Variants in NOTCH1 observed in about 807,000 individuals in gnomAD.
NOTCH1 encodes the protein neurogenic locus notch homolog protein 1.
Under a neutral mutation model 254.8 loss-of-function variants are expected in NOTCH1, and 37 were observed. The ratio of observed to expected loss-of-function variants is 0.15; its 90% CI spans 0.11 to 0.19. The LOEUF (loss-of-function observed/expected upper bound fraction) is 0.19. NOTCH1 is among the 10% of genes least tolerant of loss of function. NOTCH1 has a pLI of 1.00. For missense variants in NOTCH1, 2,972 were observed against 3,708.6 expected, an observed-to-expected ratio of 0.80 and a Z score of 5.16; for synonymous variants, 1,731 against 1,618.1, an observed-to-expected ratio of 1.07 and a Z score of -1.68.
At chr9:136,521,803 G>A (rs896701967) in intron 4 of NOTCH1, among the ~76,000 whole-genome samples, 5 of 152,178 alleles carry the variant, frequency 3.3e-5, no homozygotes, top group African/African-American at 1.2e-4. Context: ...CCCCTTTGCA[G>A]GGGCCAGGCC....
chr9:136,510,595 C>A (rs1043424698), intron 17 of NOTCH1, 58 bp downstream of exon 17: 2 of 1,566,796 alleles, frequency 1.3e-6, no homozygotes, highest in African/African-American at 2.7e-5. Flanking sequence ...CAACCCTGCC[C>A]GGGGGAACTG....
chr9:136,533,386 T>C (rs1192921093), intron 2 of NOTCH1, among the ~76,000 whole-genome samples: 1 of 152,152 alleles, frequency 6.6e-6, no homozygotes, highest in African/African-American at 2.4e-5. Context: ...CCCAAACCTC[T>C]CATTTCCAGT....
intron 2 of NOTCH1, among the ~76,000 whole-genome samples, chr9:136,526,893 G>A (rs895635045): frequency 6.6e-6 from 1 of 152,208 alleles, no homozygotes; most frequent in East Asian, 1.9e-4. Context: ...AGCCCCAGCC[G>A]GAGGCCTGAG....
At chr9:136,497,720 G>A (rs1842940289) in intron 33 of NOTCH1, among the ~76,000 whole-genome samples, 162 bp from the exon 34 acceptor site, 1 of 152,140 alleles carries the variant, frequency 6.6e-6, no homozygotes, top group South Asian at 2.1e-4. Context: ...CAACCACCTA[G>A]CCTGACTCTT....
Position 136,510,810 on chromosome 9 carries a change from G to T in NOTCH1, c.2588-5C>A. Reference sequence around the variant, plus strand: ...TGTCGACCTCACAGGTCTGCCCTGCGGGGCAGGAGGAGGCCGGTTGGTCAC... The same window carrying T: ...TGTCGACCTCACAGGTCTGCCCTGCTGGGCAGGAGGAGGCCGGTTGGTCAC... On this transcript the variant is annotated splice_region_variant and splice_polypyrimidine_tract_variant and intron_variant, in intron 16 of 33. Coordinates refer to ENST00000651671, the MANE Select transcript of NOTCH1 (RefSeq NM_017617.5). 2.5e-6 allele frequency: 4 copies of T among 1,607,606 alleles called. No individual in the cohort carries two copies. Among genetic ancestry groups the T allele is most frequent in the Non-Finnish European group, 3.4e-6 (4 of 1,179,690 alleles).
At chr9:136,535,505 GGTGGGA>G (rs67358066) in intron 2 of NOTCH1, among the ~76,000 whole-genome samples, 8,750 of 78,026 alleles carry the variant, frequency 0.11, 757 homozygotes, top group South Asian at 0.27. Context: ...ATGGGTGCAG[GGTGGGA>G]GTGGGTGGAG....
Position 136,496,836 on chromosome 9 carries a change from G to A in NOTCH1, c.6903C>T (p.Ser2301=), listed in dbSNP as rs1842923327. 3 of 1,612,978 alleles carry A rather than the reference G, an allele frequency of 1.9e-6. No homozygotes were observed. The highest frequency in any genetic ancestry group is 8.5e-7 in the Non-Finnish European group (1 of 1,180,012). Residue 2301 remains serine (S), a synonymous_variant, in exon 34 of 34, where the codon TCC becomes TCT. Coordinates refer to ENST00000651671, the MANE Select transcript of NOTCH1 (RefSeq NM_017617.5). The stretch of plus-strand genomic sequence containing the variant: ...ACTCGCATTGACCATTCAAACTGGT[G>A]GACCCGCCCACAGTGAAATTCAGGG... ...GGALNFTVGG[S]TSLNGQCEWL... is the part of the protein sequence containing the mutation.
intron 2 of NOTCH1, among the ~76,000 whole-genome samples, chr9:136,536,618 C>T (rs1474667089): frequency 6.6e-6 from 1 of 152,262 alleles, no homozygotes; most frequent in Non-Finnish European, 1.5e-5. Context: ...TGCCGCTGAC[C>T]CTGTCCCAGC....
chr9:136,494,490 G>C lies in NOTCH1; in HGVS notation c.*1581C>G. 1 of 398,916 alleles carries C rather than the reference G, an allele frequency of 2.5e-6. No homozygotes were observed. The highest frequency in any genetic ancestry group is 4.4e-6 in the Non-Finnish European group (1 of 226,030). 24.7% of individuals were successfully genotyped at this position (398,916 alleles called of 1,614,324 possible). A position where few individuals can be genotyped will look rare whatever the true frequency, so the allele number is the denominator to read the frequency against. ...TTGCAAATCAGTTAACAAAAAAGAT[G>C]AAAAAAATACATCATCTACAGTTCC... On this transcript the variant is annotated 3_prime_UTR_variant, in exon 34 of 34. Transcript: ENST00000651671.
chr9:136,518,335 G>C, intron 6 of NOTCH1, 43 bp from the exon 7 acceptor site: 1 of 1,586,276 alleles, frequency 6.3e-7, no homozygotes, highest in Non-Finnish European at 8.6e-7. Flanking sequence ...CCCTGGGCCA[G>C]GCATGGCACA....
chr9:136,529,683 G>A (rs1843527519), intron 2 of NOTCH1, among the ~76,000 whole-genome samples: 1 of 152,256 alleles, frequency 6.6e-6, no homozygotes, highest in Non-Finnish European at 1.5e-5. Flanking sequence ...TGTTCAAACA[G>A]CTGGCTGGAG....
At chr9:136,508,540 A>G (rs1843126728) in intron 19 of NOTCH1, among the ~76,000 whole-genome samples, 155 bp from the exon 20 acceptor site, 1 of 152,034 alleles carries the variant, frequency 6.6e-6, no homozygotes, top group African/African-American at 2.4e-5. Context: ...CCACCCCCAC[A>G]CCAGGAACAG....
intron 2 of NOTCH1, among the ~76,000 whole-genome samples, chr9:136,541,332 TG>T (rs1843729546): frequency 6.6e-6 from 1 of 152,190 alleles, no homozygotes; most frequent in South Asian, 2.1e-4. Flanking sequence ...TCCTTCTCTT[TG>T]GGATGGAAAG....
rs1842887454 is a variant in NOTCH1 at position 136,494,446 on chromosome 9, A to G, written c.*1625T>C. ...AGCAGAGGGGAGTGGAAGCCAGATC[A>G]CCATCAGTATCATTTTTATTGCAAA... On this transcript the variant is annotated 3_prime_UTR_variant, in exon 34 of 34. Transcript: ENST00000651671. 5.0e-6 allele frequency: 2 copies of G among 398,906 alleles called. No homozygotes were observed. Among genetic ancestry groups the G allele is most frequent in the Non-Finnish European group, 8.8e-6 (2 of 226,072 alleles). The allele number at this position is 398,906 out of a possible 1,614,324, so 24.7% of individuals were successfully genotyped here. A position where few individuals can be genotyped will look rare whatever the true frequency, so the allele number is the denominator to read the frequency against.
rs752754662 is a variant in NOTCH1, at chr9:136,502,434, G to A, written c.5222C>T (p.Ala1741Val). Residue 1741 changes from alanine (A) to valine (V), a missense_variant, in exon 28 of 34, where the codon GCG (alanine) becomes GTG (valine). By Grantham distance (64) the Ala-to-Val change is moderately conservative. Transcript: ENST00000651671. The part of the protein sequence containing the change: ...PAQLHFMYVA[A>V]AAFVLLFFVG... ...GAAGAACAGAAGCACAAAGGCGGCC[G>A]CCGCCACGTACATGAAGTGCAGCTG... 10 of 1,607,872 alleles carry A rather than the reference G, an allele frequency of 6.2e-6. No individual in the cohort carries two copies. The highest frequency in any genetic ancestry group is 7.6e-6 in the Non-Finnish European group (9 of 1,178,170).
chr9:136,506,410 A>G lies in NOTCH1; in HGVS notation c.4014+117T>C. ...AAAAAAAAAAAAAGACATCAGGGTGAGGAGGAGGATGAAGGCCGGGAGGAT... is the reference window on the plus strand; with the variant it reads ...AAAAAAAAAAAAAGACATCAGGGTGGGGAGGAGGATGAAGGCCGGGAGGAT... On this transcript the variant is annotated intron_variant, in intron 24 of 33. Transcript: ENST00000651671. This position sits in a 1 kb window ranked among gnomAD's most constrained non-coding sequence, Gnocchi z 4.5. The G allele has an allele frequency of 2.8e-6, 2 of 712,256 alleles. No homozygotes were observed. The highest frequency in any genetic ancestry group is 2.4e-6 in the Non-Finnish European group (1 of 423,612). 44.1% of individuals were successfully genotyped at this position (712,256 alleles called of 1,614,324 possible).
chr9:136,538,886 G>C (rs953792038), intron 2 of NOTCH1, among the ~76,000 whole-genome samples: 1 of 152,220 alleles, frequency 6.6e-6, no homozygotes, highest in Non-Finnish European at 1.5e-5. Context: ...ATTCTGCAAA[G>C]CCACATCCTT....
Position 136,514,644 on chromosome 9 carries a change from G to C in NOTCH1, c.2073C>G (p.Gly691=). Residue 691 remains glycine (G), a synonymous_variant, in exon 13 of 34, where the codon GGC becomes GGG. Transcript: ENST00000651671. ...ECAGNPCHNG[G]TCEDGINGFT... is the part of the protein sequence containing the mutation. ...AGCCATTGATGCCGTCCTCGCAGGTGCCCCCGTTGTGGCAGGGGTTGCCCG... is the reference window on the plus strand; with the variant it reads ...AGCCATTGATGCCGTCCTCGCAGGTCCCCCCGTTGTGGCAGGGGTTGCCCG... 1 of 1,612,544 alleles carries C rather than the reference G, an allele frequency of 6.2e-7. No individual in the cohort carries two copies. Among genetic ancestry groups the C allele is most frequent in the Non-Finnish European group, 8.5e-7 (1 of 1,179,882 alleles).
rs915667043 is a variant in NOTCH1, at chr9:136,540,555, C to T, written c.140+3469G>A. Reference sequence around the variant, plus strand: ...AGGCGGGGAAGAAAGGAGCGCTGACCAGGTGCCCTCTCCACACGGTTCTCA... The same window carrying T: ...AGGCGGGGAAGAAAGGAGCGCTGACTAGGTGCCCTCTCCACACGGTTCTCA... On this transcript the variant is annotated intron_variant, in intron 2 of 33. Coordinates refer to ENST00000651671, the MANE Select transcript of NOTCH1 (RefSeq NM_017617.5). The surrounding 1 kb of genome is among the most constrained non-coding windows in gnomAD (Gnocchi z 4.4). Among the ~76,000 whole-genome samples the T allele has an allele frequency of 6.6e-6, 1 of 152,200 alleles. No homozygotes were observed. Among genetic ancestry groups the T allele is most frequent in the Non-Finnish European group, 1.5e-5 (1 of 68,036 alleles).
Sources: allele counts gnomAD v4.1 joint callset (sites outside exome capture counted in the v4.1 genomes callset), GRCh38; gene constraint gnomAD v4.1.1; non-coding constraint Gnocchi (gnomAD v3.1); transcripts MANE v1.5; gene names NCBI Gene and HGNC (gene_info 2026-07-23, HGNC 2026-07-21).